Variants in RGS7 observed in about 807,000 individuals in gnomAD.
RGS7 encodes the protein regulator of G protein signaling 7, also known as regulator of G-protein signaling 7.
Under a neutral mutation model 81.1 loss-of-function variants are expected in RGS7, and 27 were observed. The observed-to-expected ratio is 0.33, with a 90% CI of 0.25 to 0.46. RGS7 has a LOEUF of 0.46. Among genes scored for constraint, RGS7 ranks in the 20% least tolerant of loss-of-function variants. The probability of loss-of-function intolerance (pLI) is 1.00; values close to 1 mark genes in which losing one functional copy is unlikely to be tolerated. For synonymous variants in RGS7, 208 were observed against 207.7 expected (o/e 1.00, Z -0.01); for missense variants, 396 against 607.4 (o/e 0.65, Z 3.66).
chr1:241,180,902 A>G (rs1051048835), intron 2 of RGS7, among the ~76,000 whole-genome samples: 1 of 152,242 alleles, frequency 6.6e-6, no homozygotes, highest in Non-Finnish European at 1.5e-5. Flanking sequence ...ATTGGGAAGA[A>G]CAGTGTCTCC....
intron 3 of RGS7, among the ~76,000 whole-genome samples, chr1:241,015,471 T>G (rs116462115): frequency 6.6e-6 from 1 of 152,214 alleles, no homozygotes; most frequent in East Asian, 1.9e-4. Context: ...ATCTAATATA[T>G]AAACCTTTAA....
intron 3 of RGS7, among the ~76,000 whole-genome samples, chr1:241,021,828 G>T (rs6672213): frequency 6.6e-6 from 1 of 152,068 alleles, no homozygotes; most frequent in African/African-American, 2.4e-5. Context: ...TAACCACTCG[G>T]GGTCCTATCT....
At chr1:241,057,162 T>C (rs1016364471) in intron 3 of RGS7, among the ~76,000 whole-genome samples, 1 of 152,146 alleles carries the variant, frequency 6.6e-6, no homozygotes, top group Non-Finnish European at 1.5e-5. Context: ...ATTATGTATG[T>C]CGTATGAGTA....
intron 2 of RGS7, among the ~76,000 whole-genome samples, chr1:241,307,096 A>T (rs2080222416): frequency 6.6e-6 from 1 of 152,148 alleles, no homozygotes. Flanking sequence ...TGGTTTAGAT[A>T]TTTTTCCAGC....
At chr1:240,987,057 G>A (rs940890289) in intron 3 of RGS7, among the ~76,000 whole-genome samples, 1 of 152,096 alleles carries the variant, frequency 6.6e-6, no homozygotes. Context: ...TACGGTCCAC[G>A]TCTGCACCCC....
chr1:241,342,401 T>C (rs2082619431), intron 2 of RGS7, among the ~76,000 whole-genome samples: 1 of 152,136 alleles, frequency 6.6e-6, no homozygotes, highest in Non-Finnish European at 1.5e-5. Flanking sequence ...GAAAGTAACA[T>C]CAGTCACTCT....
At chr1:241,340,751 A>G (rs1444889878) in intron 2 of RGS7, among the ~76,000 whole-genome samples, 1 of 152,152 alleles carries the variant, frequency 6.6e-6, no homozygotes, top group East Asian at 1.9e-4. Context: ...AAGAAAAATA[A>G]ATTAGAAGAA....
chr1:240,822,894 C>A (rs1692054112), intron 10 of RGS7: 1 of 363,496 alleles, frequency 2.8e-6, no homozygotes, highest in African/African-American at 2.1e-5. Context: ...TAAAATATAA[C>A]CAAGATGAGG....
chr1:240,953,786 C>T (rs1339658304), intron 4 of RGS7, among the ~76,000 whole-genome samples: 1 of 151,766 alleles, frequency 6.6e-6, no homozygotes. Flanking sequence ...AACAGGAAAA[C>T]AACAGAGAAA....
chr1:241,342,650 C>T (rs947007441), intron 2 of RGS7, among the ~76,000 whole-genome samples: 1 of 152,178 alleles, frequency 6.6e-6, no homozygotes, highest in Non-Finnish European at 1.5e-5. Flanking sequence ...AGACAGAAAT[C>T]TTAGTGGTTG....
At chr1:241,279,533 TATAAG>T (rs201040607) in intron 2 of RGS7, among the ~76,000 whole-genome samples, 1,758 of 152,332 alleles carry the variant, frequency 0.012, 98 homozygotes, top group Admixed American at 0.099. Flanking sequence ...GGCATGCAGC[TATAAG>T]ATATGATACA....
intron 2 of RGS7, among the ~76,000 whole-genome samples, chr1:241,315,244 G>A (rs889108659): frequency 6.7e-6 from 1 of 150,132 alleles, no homozygotes; most frequent in African/African-American, 2.5e-5. Flanking sequence ...GAAAAGGGAA[G>A]CTTCAGCTTG....
intron 2 of RGS7, among the ~76,000 whole-genome samples, chr1:241,198,524 A>T (rs983785481): frequency 6.6e-6 from 1 of 152,166 alleles, no homozygotes; most frequent in Non-Finnish European, 1.5e-5. Flanking sequence ...GGCATTAAAA[A>T]GGTAATAGAA....
At chr1:241,107,157 C>T (rs913087733) in intron 2 of RGS7, among the ~76,000 whole-genome samples, 2 of 152,212 alleles carry the variant, frequency 1.3e-5, no homozygotes, top group Non-Finnish European at 2.9e-5. Flanking sequence ...GCCCCCTCCA[C>T]TCTGCTCCTT....
chr1:241,078,485 A>ATATGTGTGTGTGTGTGTGTGTG (rs145183501), intron 3 of RGS7, among the ~76,000 whole-genome samples: 12,576 of 143,388 alleles, frequency 0.088, 681 homozygotes, highest in Non-Finnish European at 0.12. Context: ...CACGTAAGTT[A>ATATGTGTGTGTGTGTGTGTGTG]TGTGTGTGTG....
At chr1:240,922,764 G>T (rs1473498493) in intron 6 of RGS7, among the ~76,000 whole-genome samples, 1 of 152,088 alleles carries the variant, frequency 6.6e-6, no homozygotes, top group Admixed American at 6.6e-5. Flanking sequence ...TTCATTGCTG[G>T]TGGGAATGCA....
chr1:241,283,188 AGAG>A (rs1169626489), intron 2 of RGS7, among the ~76,000 whole-genome samples: 1 of 152,216 alleles, frequency 6.6e-6, no homozygotes, highest in Non-Finnish European at 1.5e-5. Context: ...AGAAAACTCA[AGAG>A]GAGAAGGAAA....
At chr1:240,874,367 C>A (rs920644495) in intron 6 of RGS7, among the ~76,000 whole-genome samples, 2 of 152,004 alleles carry the variant, frequency 1.3e-5, no homozygotes, top group Non-Finnish European at 2.9e-5. Flanking sequence ...TGACTCTCAC[C>A]AAGAACCATG....
intron 3 of RGS7, among the ~76,000 whole-genome samples, chr1:241,062,913 G>T (rs1053541788): frequency 1.3e-5 from 2 of 152,102 alleles, no homozygotes; most frequent in Non-Finnish European, 2.9e-5. Context: ...GTGTATTTGG[G>T]CACAGATCAA....
Sources: gnomAD v4.1 joint callset for allele counts (sites outside exome capture counted in the v4.1 genomes callset) on GRCh38, gnomAD v4.1.1 for gene constraint, MANE v1.5 for transcripts, NCBI Gene and HGNC (gene_info 2026-07-23, HGNC 2026-07-21) for gene names.